ARHGEF28: variants seen among roughly 807,000 people sequenced by gnomAD.
The protein encoded by ARHGEF28 is 190 kDa guanine nucleotide exchange factor.
In ARHGEF28, 152 loss-of-function variants were observed where a neutral mutation model predicts 206.6. That is an observed-to-expected ratio of 0.74 (90% CI 0.64 to 0.84). The LOEUF is 0.84. ARHGEF28 is among the 40% of genes least tolerant of loss of function. ARHGEF28 has a pLI of 0.00. For synonymous variants in ARHGEF28, 763 were observed against 776.4 expected (o/e 0.98, Z 0.29); for missense variants, 2,028 against 2,073.2 (o/e 0.98, Z 0.42).
At chr5:73,699,980 G>A (rs1054621391) in intron 2 of ARHGEF28, among the ~76,000 whole-genome samples, 5 of 152,148 alleles carry the variant, frequency 3.3e-5, no homozygotes, top group African/African-American at 1.2e-4. Context: ...AATCTATTTT[G>A]ATCACTTCTA....
chr5:73,734,565 A>G (rs1274712014), intron 2 of ARHGEF28, among the ~76,000 whole-genome samples: 1 of 152,242 alleles, frequency 6.6e-6, no homozygotes, highest in East Asian at 1.9e-4. Context: ...GTTAGCATAT[A>G]GCACAGGTAA....
At chr5:73,652,564 A>G (rs1302268483) in intron 1 of ARHGEF28, among the ~76,000 whole-genome samples, 1 of 152,196 alleles carries the variant, frequency 6.6e-6, no homozygotes. Flanking sequence ...AACAGTTGAG[A>G]AGCATAATAA....
chr5:73,650,599 T>A (rs1439494809), intron 1 of ARHGEF28, among the ~76,000 whole-genome samples: 1 of 152,044 alleles, frequency 6.6e-6, no homozygotes, highest in Non-Finnish European at 1.5e-5. Context: ...TGTTTTCTAA[T>A]GATGGAAATT....
chr5:73,786,303 A>G (rs917539157), intron 7 of ARHGEF28: 2 of 152,198 alleles, frequency 1.3e-5, no homozygotes, highest in Non-Finnish European at 2.9e-5. Flanking sequence ...GCAGCACAGA[A>G]AAGTTATGTA....
intron 1 of ARHGEF28, among the ~76,000 whole-genome samples, chr5:73,670,540 T>TGGC (rs1746239714): frequency 6.6e-6 from 1 of 152,230 alleles, no homozygotes; most frequent in Non-Finnish European, 1.5e-5. Context: ...CAGTTGCTGG[T>TGGC]GGCAGTTGCA....
Position 73,804,104 on chromosome 5 carries a change from A to G in ARHGEF28, c.1024+8713A>G, listed in dbSNP as rs968921704. 5.9e-5 allele frequency among the ~76,000 whole-genome samples: 9 copies of G among 151,484 alleles called. No homozygotes were observed. The East Asian group carries it at 1.7e-3, about 29-fold the overall frequency. ...TGTCAAAAAAAAAAAAAAAAAAAAA[A>G]AAAGAAAGAGTCAAGTTGATGGTGT... On this transcript the variant is annotated intron_variant, in intron 9 of 35. Coordinates refer to ENST00000513042, the MANE Select transcript of ARHGEF28 (RefSeq NM_001177693.2).
intron 2 of ARHGEF28, among the ~76,000 whole-genome samples, chr5:73,695,627 T>C (rs1561339398): frequency 6.6e-6 from 1 of 152,204 alleles, no homozygotes; most frequent in Non-Finnish European, 1.5e-5. Flanking sequence ...CTCCCAGGTG[T>C]CCTGCTTTAA....
At chr5:73,771,592 A>G (rs1753227392) in intron 4 of ARHGEF28, among the ~76,000 whole-genome samples, 1 of 151,844 alleles carries the variant, frequency 6.6e-6, no homozygotes, top group African/African-American at 2.4e-5. Flanking sequence ...TGCCTGGTTA[A>G]TATCTCATGC....
intron 2 of ARHGEF28, among the ~76,000 whole-genome samples, chr5:73,721,402 C>T (rs1749933659): frequency 6.6e-6 from 1 of 152,202 alleles, no homozygotes; most frequent in Admixed American, 6.5e-5. Context: ...GCATTACCTA[C>T]TTAGATCCTG....
At chr5:73,780,462 A>G (rs1013992926) in intron 6 of ARHGEF28, 7 of 547,914 alleles carry the variant, frequency 1.3e-5, no homozygotes. Context: ...AGTGGCAGGG[A>G]CTTTGGCCCC....
At chr5:73,788,443 C>A (rs1754285665) in intron 7 of ARHGEF28, among the ~76,000 whole-genome samples, 1 of 152,038 alleles carries the variant, frequency 6.6e-6, no homozygotes, top group Non-Finnish European at 1.5e-5. Context: ...TACTCATAGC[C>A]CACTGATGAC....
chr5:73,777,006 AG>A (rs1753580473), intron 6 of ARHGEF28, among the ~76,000 whole-genome samples: 1 of 152,206 alleles, frequency 6.6e-6, no homozygotes, highest in African/African-American at 2.4e-5. Context: ...AGTTACATTT[AG>A]GGCTATCTTA....
At position 73,750,621 on chromosome 5, in the gene ARHGEF28, G is replaced by A. The variant is rs140007685; in HGVS notation, c.181+637G>A. Among the ~76,000 whole-genome samples the A allele has an allele frequency of 2.0e-5, 3 of 152,082 alleles. No individual in the cohort carries two copies. The East Asian group carries it at 5.8e-4, about 29-fold the overall frequency. ...ATATATCCTGTTCACATATTGTGAC[G>A]AGCTAATAGCCCTTCTCAATATAGT... is the stretch of plus-strand genomic sequence containing the variant. On this transcript the variant is annotated intron_variant, in intron 3 of 35. Transcript: ENST00000513042.
chr5:73,642,789 T>G (rs1290095043), intron 1 of ARHGEF28, among the ~76,000 whole-genome samples: 1 of 152,210 alleles, frequency 6.6e-6, no homozygotes, highest in Non-Finnish European at 1.5e-5. Context: ...AGACTGATTT[T>G]AGTTAGTTGG....
chr5:73,854,636 G>A (rs1758902879), intron 14 of ARHGEF28, among the ~76,000 whole-genome samples: 1 of 152,082 alleles, frequency 6.6e-6, no homozygotes, highest in Non-Finnish European at 1.5e-5. Context: ...TTTGAGACCA[G>A]CCTAGTCAAC....
At chr5:73,762,470 A>C (rs1335497736) in intron 4 of ARHGEF28, among the ~76,000 whole-genome samples, 4 of 151,372 alleles carry the variant, frequency 2.6e-5, no homozygotes, top group African/African-American at 7.3e-5. Context: ...AAAAAAAAAA[A>C]AAAAACAAAA....
At chr5:73,807,116 C>T (rs1267242861) in intron 9 of ARHGEF28, among the ~76,000 whole-genome samples, 7 of 146,548 alleles carry the variant, frequency 4.8e-5, no homozygotes, top group Non-Finnish European at 7.4e-5. Context: ...TCCGTGGGTT[C>T]TTCCTAATAG....
intron 23 of ARHGEF28, among the ~76,000 whole-genome samples, chr5:73,882,797 A>G (rs2112666160): frequency 1.3e-5 from 2 of 152,196 alleles, no homozygotes; most frequent in Middle Eastern, 6.8e-3. Flanking sequence ...TTCCTTTTGT[A>G]TATTTGTGAG....
chr5:73,920,765 CA>C (rs900496647), intron 35 of ARHGEF28, among the ~76,000 whole-genome samples: 1 of 152,068 alleles, frequency 6.6e-6, no homozygotes, highest in African/African-American at 2.4e-5. Context: ...ATATTGTATA[CA>C]TATAGCCCCC....
Sources: allele counts gnomAD v4.1 joint callset (sites outside exome capture counted in the v4.1 genomes callset), GRCh38; gene constraint gnomAD v4.1.1; transcripts MANE v1.5; gene names NCBI Gene and HGNC (gene_info 2026-07-23, HGNC 2026-07-21).